CYBC1: variants seen among roughly 807,000 people sequenced by gnomAD.
CYBC1 encodes essential for reactive oxygen species protein.
In CYBC1, 22 loss-of-function variants were observed where a neutral mutation model predicts 21.7. The ratio of observed to expected loss-of-function variants is 1.02; its 90% CI spans 0.73 to 1.45. The LOEUF (loss-of-function observed/expected upper bound fraction) is 1.45. CYBC1 is among the 40% of genes most tolerant of loss of function. The pLI is 0.00. For missense variants in CYBC1, 237 were observed against 242.1 expected (o/e 0.98, Z 0.14); for synonymous variants, 112 against 98.7 (o/e 1.13, Z -0.80).
chr17:82,445,838 A>G (rs562381088), intron 5 of CYBC1, 26 bp downstream of exon 5: 1 of 1,573,940 alleles, frequency 6.4e-7, no homozygotes, highest in East Asian at 2.3e-5. Flanking sequence ...GCCGTGTCCC[A>G]TGTCCCCACG....
At chr17:82,448,256 TG>T (rs1252916421) in intron 2 of CYBC1, 1 of 184,498 alleles carries the variant, frequency 5.4e-6, no homozygotes, top group Non-Finnish European at 1.1e-5. Context: ...AAGTGGACTG[TG>T]AGTCCTACGA....
At position 82,443,645 on chromosome 17, in the gene CYBC1, A is replaced by G; in HGVS notation, c.*359T>C. 1.3e-6 allele frequency: 1 copy of G among 752,150 alleles called. No individual in the cohort carries two copies. 46.6% of individuals were successfully genotyped at this position (752,150 alleles called of 1,614,324 possible). ...CCTCCGGCTGCAGAAAGGCAGGCCC[A>G]GGCCTCACGATGGAGAAAGTCTGGA... On this transcript the variant is annotated 3_prime_UTR_variant, in exon 7 of 7. Coordinates refer to ENST00000306645, the MANE Select transcript of CYBC1 (RefSeq NM_001033046.4). This position sits in a 1 kb window ranked among gnomAD's most constrained non-coding sequence, Gnocchi z 6.7.
At chr17:82,444,261 C>T in intron 6 of CYBC1, 137 bp from the exon 7 acceptor site, 5 of 1,447,760 alleles carry the variant, frequency 3.5e-6, no homozygotes, top group Non-Finnish European at 4.6e-6. Context: ...CACTTCCTGG[C>T]CTGCTCCCAG....
intron 2 of CYBC1, 165 bp from the exon 3 acceptor site, chr17:82,447,786 C>G: frequency 1.5e-6 from 1 of 681,678 alleles, no homozygotes; most frequent in South Asian, 1.6e-5. Flanking sequence ...GGGAAACAGC[C>G]AGGAAGCTGG....
chr17:82,446,245 C>T (rs1048808285), intron 4 of CYBC1, among the ~76,000 whole-genome samples: 1 of 152,150 alleles, frequency 6.6e-6, no homozygotes, highest in African/African-American at 2.4e-5. Flanking sequence ...AACCAGCAAA[C>T]GAGGGCATGG....
chr17:82,445,331 C>T, intron 5 of CYBC1: 1 of 162,094 alleles, frequency 6.2e-6, no homozygotes, highest in Non-Finnish European at 1.4e-5. Flanking sequence ...TCGGACCATC[C>T]AGCCCCTACT....
rs1450796758 is a variant in CYBC1, at chr17:82,443,383, C to A, written c.*621G>T. On this transcript the variant is annotated 3_prime_UTR_variant, in exon 7 of 7. Transcript: ENST00000306645. This position sits in a 1 kb window ranked among gnomAD's most constrained non-coding sequence, Gnocchi z 6.7. ...GGCATCAGCAAGGGAGGCGGGTCCTCGGGGAGGGGCAGCTTCCACAGTGTG... is the reference window on the plus strand; with the variant it reads ...GGCATCAGCAAGGGAGGCGGGTCCTAGGGGAGGGGCAGCTTCCACAGTGTG... 2 of 501,968 alleles carry A rather than the reference C, an allele frequency of 4.0e-6. No individual in the cohort carries two copies. Among genetic ancestry groups the A allele is most frequent in the Non-Finnish European group, 7.4e-6 (2 of 269,904 alleles). The allele number at this position is 501,968 out of a possible 1,614,324, so 31.1% of individuals were successfully genotyped here.
At chr17:82,445,691 C>T (rs572165038) in intron 5 of CYBC1, 173 bp downstream of exon 5, 27 of 565,878 alleles carry the variant, frequency 4.8e-5, no homozygotes, top group African/African-American at 9.5e-5. Flanking sequence ...GCAGGTGGGG[C>T]GTATCCGTGG....
chr17:82,445,897 GCTT>G lies in CYBC1; in HGVS notation c.262_264del (p.Lys88del), dbSNP rs1167571318. 6.2e-7 allele frequency: 1 copy of G among 1,613,468 alleles called. No individual in the cohort carries two copies. The highest frequency in any genetic ancestry group is 1.3e-5 in the African/African-American group (1 of 75,060). On this transcript the variant is annotated inframe_deletion, in exon 5 of 7. Transcript: ENST00000306645. ...TGGCCAGCTCTGAAAAGAGTCAGCA[GCTT>G]CTTGTAGAGGCTGAACGTCTTCAAA...
chr17:82,444,203 T>A, intron 6 of CYBC1, 79 bp from the exon 7 acceptor site: 1 of 1,555,142 alleles, frequency 6.4e-7, no homozygotes. Flanking sequence ...AGTCTCCTCC[T>A]CGACCACCTA....
chr17:82,446,049 G>T, intron 4 of CYBC1, 89 bp from the exon 5 acceptor site: 1 of 1,022,936 alleles, frequency 9.8e-7, no homozygotes, highest in Non-Finnish European at 1.5e-6. Flanking sequence ...TCACCAGGGT[G>T]GACACTCAAG....
At chr17:82,446,517 G>GA (rs2054295906) in intron 4 of CYBC1, 106 bp downstream of exon 4, 1 of 1,056,164 alleles carries the variant, frequency 9.5e-7, no homozygotes, top group African/African-American at 1.6e-5. Flanking sequence ...TCAGGACGGG[G>GA]AGGCGCTAGG....
chr17:82,445,868 G>C lies in CYBC1; in HGVS notation c.294C>G (p.Asp98Glu), dbSNP rs371573636. The C allele has an allele frequency of 6.2e-7, 1 of 1,609,932 alleles. No homozygotes were observed. The highest frequency in any genetic ancestry group is 1.1e-5 in the South Asian group (1 of 90,376). ...CCCACGCTCCCCACGACTCACCCTG[G>C]TCGTGGCCAGCTCTGAAAAGAGTCA... is the stretch of plus-strand genomic sequence containing the variant. ...KLLTLFRAGH[D>E]QVVVLLHDVR... is the part of the protein sequence containing the mutation. The change falls in exon 5 of 7, where the codon GAC (aspartate) becomes GAG (glutamate). Residue 98 changes from aspartate (D) to glutamate (E), a missense_variant. Transcript: ENST00000306645.
chr17:82,449,565 C>T (rs775931975), intron 1 of CYBC1: 1 of 344,992 alleles, frequency 2.9e-6, no homozygotes, highest in Non-Finnish European at 5.2e-6. Context: ...GCTACAGCTG[C>T]ATCACCACCT....
In CYBC1 at chr17:82,450,685, A is replaced by C. The variant is rs2054539390; in HGVS notation, c.-39+15T>G. 1 of 152,164 alleles carries C rather than the reference A, an allele frequency of 6.6e-6. No individual in the cohort carries two copies. The highest frequency in any genetic ancestry group is 1.5e-5 in the Non-Finnish European group (1 of 68,108). The allele number at this position is 152,164 out of a possible 1,614,324, so 9.4% of individuals were successfully genotyped here. ...CGGGAAGGAAGTGCGGAGCCCACCCAGCCCAGCCGCCTACCGAGAGCACAG... is the reference window on the plus strand; with the variant it reads ...CGGGAAGGAAGTGCGGAGCCCACCCCGCCCAGCCGCCTACCGAGAGCACAG... On this transcript the variant is annotated intron_variant, in intron 1 of 6. Coordinates refer to ENST00000306645, the MANE Select transcript of CYBC1 (RefSeq NM_001033046.4).
intron 2 of CYBC1, chr17:82,448,175 G>A (rs990189190): frequency 5.3e-5 from 11 of 207,146 alleles, no homozygotes; most frequent in Non-Finnish European, 8.8e-5. Context: ...ACGGTGTCCC[G>A]TCAACACAAG....
At chr17:82,449,368 A>C in intron 1 of CYBC1, 76 bp from the exon 2 acceptor site, 1 of 720,636 alleles carries the variant, frequency 1.4e-6, no homozygotes, top group Non-Finnish European at 2.1e-6. Flanking sequence ...CCCAGTCTGG[A>C]GGCCAAGAGC....
intron 1 of CYBC1, chr17:82,450,432 A>T (rs532952376): frequency 6.6e-6 from 1 of 152,258 alleles, no homozygotes; most frequent in Non-Finnish European, 1.5e-5. Flanking sequence ...ACACTCGCGG[A>T]CACAAGCACA....
chr17:82,444,506 G>C lies in CYBC1; in HGVS notation c.384C>G (p.Leu128=). 1 of 1,614,024 alleles carries C rather than the reference G, an allele frequency of 6.2e-7. No individual in the cohort carries two copies. Residue 128 remains leucine, a synonymous_variant, in exon 6 of 7, where the codon CTC becomes CTG. Transcript: ENST00000306645. The stretch of plus-strand genomic sequence containing the variant: ...GGTGGGAGAAGCCCGTCGCAAGCCG[G>C]AGCACCACCATGTAGCCTTTCCCGA... ...RYFGKGYMVV[L]RLATGFSHPL...
Sources: allele counts gnomAD v4.1 joint callset (sites outside exome capture counted in the v4.1 genomes callset), GRCh38; gene constraint gnomAD v4.1.1; non-coding constraint Gnocchi (gnomAD v3.1); transcripts MANE v1.5; gene names NCBI Gene and HGNC (gene_info 2026-07-23, HGNC 2026-07-21).